The following WDR62 variants were observed in gnomAD, a reference collection of about 807,000 sequenced individuals.
WDR62 encodes WD repeat domain 62, also known as WD repeat-containing protein 62.
Under a neutral mutation model 160.6 loss-of-function variants are expected in WDR62, and 112 were observed. The ratio of observed to expected loss-of-function variants is 0.70; its 90% confidence interval spans 0.60 to 0.82. The LOEUF (loss-of-function observed/expected upper bound fraction) is 0.82. Ranked by LOEUF, WDR62 falls within the 40% of genes least tolerant of loss-of-function variation. The probability of loss-of-function intolerance (pLI) is 0.00; values close to 1 mark genes in which losing one functional copy is unlikely to be tolerated. For missense variants in WDR62, 1,819 were observed against 1,983.8 expected (o/e 0.92, Z 1.58); for synonymous variants, 792 against 815.1 (o/e 0.97, Z 0.48).
chr19:36,080,400 C>T (rs1443362538), intron 9 of WDR62, among the ~76,000 whole-genome samples: 12 of 152,006 alleles, frequency 7.9e-5, no homozygotes, highest in Admixed American at 5.9e-4. Flanking sequence ...AGGCGGGAGC[C>T]ACCATGCCCG....
chr19:36,102,299 T>C, intron 26 of WDR62, 148 bp downstream of exon 26: 1 of 1,210,794 alleles, frequency 8.3e-7, no homozygotes, highest in South Asian at 1.2e-5. Context: ...TCTCGCTCTG[T>C]TGCCAGGCTG....
In WDR62 at chr19:36,097,048, A is replaced by G. The variant is rs1973012570; in HGVS notation, c.2489A>G (p.Asn830Ser). 6.2e-7 allele frequency: 1 copy of G among 1,613,602 alleles called. No individual in the cohort carries two copies. Among genetic ancestry groups the G allele is most frequent in the South Asian group, 1.1e-5 (1 of 90,900 alleles). ...LDPDPRCLLT[N>S]GKLPLWAKRL... ...CCAGATCCTCGTTGCCTGCTAACCA[A>G]CGGCAAGCTGCCACTGTGGGCAAAG... Residue 830 changes from asparagine (N) to serine (S), a missense_variant, in exon 21 of 32, where the codon AAC becomes AGC. Physicochemically the swap from Asn to Ser is conservative, Grantham distance 46. This residue lies in a region of WDR62 where 934 missense variants were observed against 1,157.2 expected (regional missense o/e 0.81). Transcript: ENST00000401500.
In WDR62 at chr19:36,081,376, A is replaced by G. The variant is rs192571895; in HGVS notation, c.1234-57A>G. On this transcript the variant is annotated intron_variant, in intron 9 of 31. Coordinates refer to ENST00000401500, the MANE Select transcript of WDR62 (RefSeq NM_001083961.2). ...TTTTTTTTTTCCATGAAAATGCAAC[A>G]GTAAGTCATAGTGCTGTCATTGAGT... 42 of 1,325,000 alleles carry G rather than the reference A, an allele frequency of 3.2e-5. No homozygotes were observed. The Middle Eastern group carries it at 5.7e-4, about 18-fold the overall frequency. The allele number at this position is 1,325,000 out of a possible 1,614,324, so 82.1% of individuals were successfully genotyped here.
At chr19:36,101,471 C>G (rs912280497) in intron 24 of WDR62, 154 bp downstream of exon 24, 15 of 818,552 alleles carry the variant, frequency 1.8e-5, no homozygotes, top group African/African-American at 1.5e-4. Context: ...ATTCTGGGCC[C>G]AGCTGCCTAC....
intron 23 of WDR62, 26 bp downstream of exon 23, chr19:36,100,901 C>G: frequency 6.2e-7 from 1 of 1,613,876 alleles, no homozygotes; most frequent in Non-Finnish European, 8.5e-7. Flanking sequence ...ACCAAGGGAG[C>G]CTTAGTTGGA....
Position 36,055,112 on chromosome 19 carries a change from A to G in WDR62, c.141A>G (p.Arg47=). Residue 47 remains arginine, a synonymous_variant, in exon 1 of 32, where the codon CGA becomes CGG. Transcript: ENST00000401500. ...CAATCTGCCTACGGCGGCGGACGCG[A>G]CTCTCGACGGCCTCCGAGGAGACGG... is the stretch of plus-strand genomic sequence containing the variant. ...APPICLRRRT[R]LSTASEETVQ... The G allele has an allele frequency of 6.2e-7, 1 of 1,604,018 alleles. No individual in the cohort carries two copies. Among genetic ancestry groups the G allele is most frequent in the Non-Finnish European group, 8.5e-7 (1 of 1,176,608 alleles).
chr19:36,072,451 G>A (rs963651388), intron 8 of WDR62, among the ~76,000 whole-genome samples: 13 of 152,186 alleles, frequency 8.5e-5, no homozygotes, highest in African/African-American at 2.9e-4. Flanking sequence ...GGTTTCGGGC[G>A]TTGGGGTAAA....
At chr19:36,061,318 G>A (rs1044311952) in intron 3 of WDR62, 3 of 152,170 alleles carry the variant, frequency 2.0e-5, no homozygotes, top group Admixed American at 6.5e-5. Flanking sequence ...ACTTCTTTCA[G>A]AGCCTTGGTC....
Position 36,055,123 on chromosome 19 carries a change from C to A in WDR62, c.152C>A (p.Ala51Asp), listed in dbSNP as rs759001459. ...CLRRRTRLST[A>D]SEETVQNRVS... ...CGGCGGCGGACGCGACTCTCGACGG[C>A]CTCCGAGGAGACGGTGCAGAACCGG... The change falls in exon 1 of 32, where the codon GCC (alanine) becomes GAC (aspartate). Residue 51 changes from alanine (A) to aspartate (D), a missense_variant. Physicochemically the swap from Ala to Asp is moderately radical, Grantham distance 126. This residue lies in a region of WDR62 where 115 missense variants were observed against 92.4 expected (regional missense o/e 1.24). Coordinates refer to ENST00000401500, the MANE Select transcript of WDR62 (RefSeq NM_001083961.2). 6.2e-6 allele frequency: 10 copies of A among 1,607,964 alleles called. No homozygotes were observed. Among genetic ancestry groups the A allele is most frequent in the Non-Finnish European group, 8.5e-6 (10 of 1,178,292 alleles).
Position 36,102,956 on chromosome 19 carries a change from A to G in WDR62, c.3344A>G (p.His1115Arg). Residue 1115 changes from histidine to arginine, a missense_variant, in exon 28 of 32, where the codon CAT becomes CGT. This residue lies in a region of WDR62 where 770 missense variants were observed against 734.2 expected (regional missense o/e 1.05). Coordinates refer to ENST00000401500, the MANE Select transcript of WDR62 (RefSeq NM_001083961.2). ...TGCTCTCCTCCCCACAGGTTCACCC[A>G]TACCTTCCCTCCCCGGGCAACCCAG... ...SSLQKASRFTHTFPPRATQCL... is the reference protein window; with the variant it reads ...SSLQKASRFTRTFPPRATQCL... The G allele has an allele frequency of 6.2e-7, 1 of 1,614,102 alleles. No homozygotes were observed. The highest frequency in any genetic ancestry group is 2.2e-5 in the East Asian group (1 of 44,884).
At position 36,092,815 on chromosome 19, in the gene WDR62, C is replaced by T. The variant is rs755801309; in HGVS notation, c.2333+4C>T. Reference sequence around the variant, plus strand: ...AGAAGCGGAGTGGCCACCCCAGGTCCTGGCAGCCCCTGCCTGTCCACCAGA... The same window carrying T: ...AGAAGCGGAGTGGCCACCCCAGGTCTTGGCAGCCCCTGCCTGTCCACCAGA... On this transcript the variant is annotated splice_donor_region_variant and intron_variant, in intron 19 of 31. Transcript: ENST00000401500. The T allele has an allele frequency of 1.2e-6, 2 of 1,613,718 alleles. No homozygotes were observed. Among genetic ancestry groups the T allele is most frequent in the Non-Finnish European group, 1.7e-6 (2 of 1,179,908 alleles).
At chr19:36,055,589 C>T (rs765002526) in intron 1 of WDR62, among the ~76,000 whole-genome samples, 1 of 151,970 alleles carries the variant, frequency 6.6e-6, no homozygotes, top group Admixed American at 6.5e-5. Context: ...CCCGCCTTCT[C>T]TCACCTTCTG....
intron 9 of WDR62, chr19:36,075,995 C>G (rs1033722031): frequency 6.6e-6 from 1 of 152,116 alleles, no homozygotes; most frequent in Non-Finnish European, 1.5e-5. Flanking sequence ...CTAAAGGTAA[C>G]TAGTTTTATT....
chr19:36,059,856 C>T, intron 2 of WDR62, 112 bp from the exon 3 acceptor site: 2 of 1,122,614 alleles, frequency 1.8e-6, no homozygotes, highest in South Asian at 1.2e-5. Context: ...AGGAGGAGAC[C>T]AGAGAGAACC....
chr19:36,104,463 C>A, intron 30 of WDR62, 55 bp from the exon 31 acceptor site: 1 of 1,602,860 alleles, frequency 6.2e-7, no homozygotes, highest in Non-Finnish European at 8.5e-7. Flanking sequence ...TCGCTCTGGC[C>A]GCTCACACCA....
In WDR62 at chr19:36,103,535, A is replaced by G. The variant is rs1212609550; in HGVS notation, c.3707A>G (p.Asp1236Gly). The G allele has an allele frequency of 1.2e-6, 2 of 1,614,006 alleles. No homozygotes were observed. The highest frequency in any genetic ancestry group is 1.7e-6 in the Non-Finnish European group (2 of 1,180,020). The change falls in exon 30 of 32, where the codon GAC becomes GGC. Residue 1236 changes from aspartate to glycine, a missense_variant. Asp to Gly is a moderately conservative substitution (Grantham distance 94). Transcript: ENST00000401500. ...ARISRSISLGDSEGPIVATLA... is the reference protein window; with the variant it reads ...ARISRSISLGGSEGPIVATLA... ...ATATCACGCAGCATCTCCCTCGGTG[A>G]CAGTGAGGGCCCTATCGTGGCCACA...
intron 15 of WDR62, 30 bp from the exon 16 acceptor site, chr19:36,090,415 G>T: frequency 1.2e-6 from 2 of 1,611,700 alleles, no homozygotes; most frequent in Non-Finnish European, 1.7e-6. Flanking sequence ...GCGGGGCCCT[G>T]TTGGCCGCAA....
chr19:36,077,263 C>T (rs1971622585), intron 9 of WDR62, among the ~76,000 whole-genome samples: 1 of 133,250 alleles, frequency 7.5e-6, no homozygotes, highest in Admixed American at 8.7e-5. Flanking sequence ...TTCTTTCCTT[C>T]CTTCCTTCCT....
intron 13 of WDR62, among the ~76,000 whole-genome samples, chr19:36,087,405 G>A (rs544729166): frequency 1.3e-5 from 2 of 152,042 alleles, no homozygotes; most frequent in South Asian, 2.1e-4. Context: ...TACTCGGGAG[G>A]CTGAGGCAGG....
Sources: gnomAD v4.1 joint callset for allele counts (sites outside exome capture counted in the v4.1 genomes callset) on GRCh38, gnomAD v4.1.1 for gene constraint, gnomAD v4.1.1 regional missense constraint, MANE v1.5 for transcripts, NCBI Gene and HGNC (gene_info 2026-07-23, HGNC 2026-07-21) for gene names.